The following PDCL3 variants were observed in gnomAD, a reference collection of about 807,000 sequenced individuals.
PDCL3 encodes phosducin like 3.
Under a neutral mutation model 26.5 loss-of-function variants are expected in PDCL3, and 22 were observed. The ratio of observed to expected loss-of-function variants is 0.83; its 90% CI spans 0.59 to 1.19. The LOEUF is 1.19. PDCL3 is among the 50% of genes most tolerant of loss of function. The pLI, the probability that PDCL3 is intolerant of heterozygous loss-of-function variation, is 0.00. For missense variants in PDCL3, 246 were observed against 294.1 expected (o/e 0.84, Z 1.20); for synonymous variants, 81 against 104.9 (o/e 0.77, Z 1.39).
At position 100,566,540 on chromosome 2, in the gene PDCL3, G is replaced by T. The variant is rs750858703; in HGVS notation, c.44G>T (p.Arg15Leu). ...NADTEWNDIL[R>L]KKGILPPKES... ...GACACTGAATGGAATGACATCTTACGCAAAAAGGGTATCTTACCCCCCAAG... is the reference window on the plus strand; with the variant it reads ...GACACTGAATGGAATGACATCTTACTCAAAAAGGGTATCTTACCCCCCAAG... The change falls in exon 2 of 6, where the codon CGC (arginine) becomes CTC (leucine). Residue 15 changes from arginine to leucine, a missense_variant. Transcript: ENST00000264254. The T allele has an allele frequency of 1.2e-6, 2 of 1,613,292 alleles. No homozygotes were observed. The highest frequency in any genetic ancestry group is 1.7e-6 in the Non-Finnish European group (2 of 1,179,836).
chr2:100,567,236 G>A (rs1675075609), intron 2 of PDCL3, among the ~76,000 whole-genome samples: 3 of 152,174 alleles, frequency 2.0e-5, no homozygotes, highest in Admixed American at 6.5e-5. Flanking sequence ...TAGTACTTTT[G>A]TCCTCTGTTG....
At chr2:100,568,248 C>T (rs1258282998) in intron 2 of PDCL3, among the ~76,000 whole-genome samples, 1 of 152,204 alleles carries the variant, frequency 6.6e-6, no homozygotes, top group East Asian at 1.9e-4. Flanking sequence ...ATATTGATAG[C>T]ACTGAAAGCC....
intron 1 of PDCL3, among the ~76,000 whole-genome samples, chr2:100,563,782 C>T (rs777746325): frequency 1.6e-4 from 25 of 151,998 alleles, no homozygotes; most frequent in Non-Finnish European, 3.1e-4. Flanking sequence ...TTGTCACTGT[C>T]CAAAGATCCC....
At chr2:100,566,472 A>C in intron 1 of PDCL3, 31 bp from the exon 2 acceptor site, 1 of 1,610,278 alleles carries the variant, frequency 6.2e-7, no homozygotes, top group Non-Finnish European at 8.5e-7. Flanking sequence ...TAGACTTAGC[A>C]CTCATGGTAA....
chr2:100,565,966 C>G (rs866863994), intron 1 of PDCL3, among the ~76,000 whole-genome samples: 1 of 152,114 alleles, frequency 6.6e-6, no homozygotes, highest in Admixed American at 6.5e-5. Context: ...TGCAGTGGCA[C>G]GATCTCGGCT....
chr2:100,567,186 T>G (rs1273358120), intron 2 of PDCL3, among the ~76,000 whole-genome samples: 5 of 152,184 alleles, frequency 3.3e-5, no homozygotes, highest in Admixed American at 6.5e-5. Flanking sequence ...TAAAGGATTC[T>G]GATGCGTGTC....
chr2:100,574,063 G>A (rs1291133409), intron 5 of PDCL3, among the ~76,000 whole-genome samples: 3 of 152,030 alleles, frequency 2.0e-5, no homozygotes, highest in Non-Finnish European at 4.4e-5. Flanking sequence ...GAGTGCAGTA[G>A]CACTATCTTG....
chr2:100,568,982 A>C lies in PDCL3; in HGVS notation c.185A>C (p.Glu62Ala), dbSNP rs1675112114. The stretch of plus-strand genomic sequence containing the variant: ...GAAGAGCTGGAGGATCATGAAGACG[A>C]GTTTAATGAGGAGGATGAACGTGCT... ...TLEELEDHEDEFNEEDERAIE... is the reference protein window; with the variant it reads ...TLEELEDHEDAFNEEDERAIE... The change falls in exon 3 of 6, where the codon GAG becomes GCG. Residue 62 changes from glutamate to alanine, a missense_variant. Glu to Ala is a moderately radical substitution (Grantham distance 107). Transcript: ENST00000264254. 1.2e-6 allele frequency: 2 copies of C among 1,614,096 alleles called. No individual in the cohort carries two copies. Among genetic ancestry groups the C allele is most frequent in the East Asian group, 4.5e-5 (2 of 44,886 alleles).
Position 100,571,618 on chromosome 2 carries a change from C to T in PDCL3, c.397C>T (p.His133Tyr), listed in dbSNP as rs772584392. 1.9e-6 allele frequency: 3 copies of T among 1,613,000 alleles called. No homozygotes were observed. The highest frequency in any genetic ancestry group is 1.7e-6 in the Non-Finnish European group (2 of 1,179,826). The part of the protein sequence containing the change: ...GIPLCALINQ[H>Y]LSGLARKFPD... The stretch of plus-strand genomic sequence containing the variant: ...TCCCCTCTGTGCCCTGATAAATCAG[C>T]ACCTCAGTGGACTTGCCAGGAAGTT... Residue 133 changes from histidine (H) to tyrosine (Y), a missense_variant, in exon 5 of 6, where the codon CAC (histidine) becomes TAC (tyrosine). By Grantham distance (83) the His-to-Tyr change is moderately conservative. Coordinates refer to ENST00000264254, the MANE Select transcript of PDCL3 (RefSeq NM_024065.5).
chr2:100,566,456 A>G (rs1313303018), intron 1 of PDCL3, 47 bp from the exon 2 acceptor site: 8 of 1,601,990 alleles, frequency 5.0e-6, no homozygotes, highest in Middle Eastern at 2.3e-4. Flanking sequence ...GTGGCACCCT[A>G]CATACTAGAC....
chr2:100,568,930 G>C lies in PDCL3; in HGVS notation c.134-1G>C, dbSNP rs899071784. On this transcript the variant is annotated splice_acceptor_variant, in intron 2 of 5. Coordinates refer to ENST00000264254, the MANE Select transcript of PDCL3 (RefSeq NM_024065.5). LOFTEE classifies it high-confidence loss of function. Reference sequence around the variant, plus strand: ...CTTTTTGCCAATGTAACCAAATTCAGTGAAAACATATGAAGATATGACTTT... The same window carrying C: ...CTTTTTGCCAATGTAACCAAATTCACTGAAAACATATGAAGATATGACTTT... 4 of 1,611,856 alleles carry C rather than the reference G, an allele frequency of 2.5e-6. No homozygotes were observed. The Admixed American group carries it at 5.1e-5, about 20-fold the overall frequency.
chr2:100,573,343 ATTTTTAAACATGAC>A (rs1196083266), intron 5 of PDCL3, among the ~76,000 whole-genome samples: 1 of 152,086 alleles, frequency 6.6e-6, no homozygotes, highest in African/African-American at 2.4e-5. Flanking sequence ...CCAGAAAGAC[ATTTTTAAACATGAC>A]TTTATATACT....
chr2:100,563,085 C>G lies in PDCL3; in HGVS notation c.6+12C>G, dbSNP rs1376759620. The G allele has an allele frequency of 6.2e-7, 1 of 1,601,356 alleles. No homozygotes were observed. Among genetic ancestry groups the G allele is most frequent in the Non-Finnish European group, 8.5e-7 (1 of 1,174,694 alleles). On this transcript the variant is annotated intron_variant, in intron 1 of 5. Transcript: ENST00000264254. ...GAAACAAGATGCAGGTGAGCTAGGA[C>G]GGGTCTCGGGTCTGGGGGCTGCGGC...
intron 5 of PDCL3, 79 bp downstream of exon 5, chr2:100,571,877 C>A (rs887611249): frequency 2.8e-6 from 4 of 1,418,206 alleles, no homozygotes; most frequent in Non-Finnish European, 3.0e-6. Flanking sequence ...ATTTCCTGGA[C>A]TCCTGTTACG....
At chr2:100,573,129 C>T (rs13421251) in intron 5 of PDCL3, among the ~76,000 whole-genome samples, 2,148 of 151,660 alleles carry the variant, frequency 0.014, 41 homozygotes, top group African/African-American at 0.048. Context: ...GTGATCTGCC[C>T]GCCACAGCCT....
rs539009743 is a variant in PDCL3, at chr2:100,575,354, C to T, written c.578-1000C>T. 7.9e-5 allele frequency among the ~76,000 whole-genome samples: 12 copies of T among 152,278 alleles called. No individual in the cohort carries two copies. The South Asian group carries it at 2.5e-3, about 32-fold the overall frequency. On this transcript the variant is annotated intron_variant, in intron 5 of 5. Transcript: ENST00000264254. ...GTTTCACCGTGTTAGCCAGGATGGT[C>T]TCGATCTCCAGACTTCGTGATCCGC... is the stretch of plus-strand genomic sequence containing the variant.
rs147872932 is a variant in PDCL3 at position 100,573,934 on chromosome 2, G to A, written c.577+2136G>A. Reference sequence around the variant, plus strand: ...CATATAACGATTGCTTTGTGTAAGTGAACAGTAACATTAAACACTTATGTA... The same window carrying A: ...CATATAACGATTGCTTTGTGTAAGTAAACAGTAACATTAAACACTTATGTA... On this transcript the variant is annotated intron_variant, in intron 5 of 5. Transcript: ENST00000264254. 1.6e-4 allele frequency among the ~76,000 whole-genome samples: 25 copies of A among 152,202 alleles called. 1 individual carries two copies. In the East Asian group the frequency reaches 4.8e-3, roughly 29 times the overall value.
At chr2:100,569,754 T>C (rs780683055) in intron 4 of PDCL3, 33 bp downstream of exon 4, 1 of 1,590,592 alleles carries the variant, frequency 6.3e-7, no homozygotes, top group Non-Finnish European at 8.6e-7. Flanking sequence ...CTATCAAATG[T>C]TAATTTGAAT....
At chr2:100,567,367 A>G (rs899330511) in intron 2 of PDCL3, among the ~76,000 whole-genome samples, 1 of 152,220 alleles carries the variant, frequency 6.6e-6, no homozygotes, top group Middle Eastern at 3.2e-3. Context: ...TAAGCCAGAG[A>G]CAATTCTCTG....
Sources: gnomAD v4.1 joint callset for allele counts (sites outside exome capture counted in the v4.1 genomes callset) on GRCh38, gnomAD v4.1.1 for gene constraint, MANE v1.5 for transcripts, NCBI Gene and HGNC (gene_info 2026-07-23, HGNC 2026-07-21) for gene names.